MATN2: variants seen among roughly 807,000 people sequenced by gnomAD.
MATN2 encodes the protein matrilin 2.
A neutral mutation model predicts 103.2 loss-of-function variants in MATN2; 69 were observed. The observed-to-expected ratio is 0.67, with a 90% confidence interval of 0.55 to 0.82. MATN2 has a LOEUF of 0.82. Ranked by LOEUF, MATN2 falls within the 40% of genes least tolerant of loss-of-function variation. MATN2 has a pLI of 0.00. For missense variants in MATN2, 1,023 were observed against 1,211.5 expected, an observed-to-expected ratio of 0.84 and a Z score of 2.31; for synonymous variants, 429 against 450.2, an observed-to-expected ratio of 0.95 and a Z score of 0.60.
In MATN2 at chr8:98,021,220, A is replaced by C. The variant is rs549406889; in HGVS notation, c.1835A>C (p.Lys612Thr). The C allele has an allele frequency of 6.2e-7, 1 of 1,613,574 alleles. No individual in the cohort carries two copies. Among genetic ancestry groups the C allele is most frequent in the African/African-American group, 1.3e-5 (1 of 75,042 alleles). Residue 612 changes from lysine (K) to threonine (T), a missense_variant, in exon 13 of 19, where the codon AAA (lysine) becomes ACA (threonine). Transcript: ENST00000254898. Reference sequence around the variant, plus strand: ...TTTTCCTCAGGGAAGGATGTCTGCAAATCAACCCACCATGGCTGCGAACAC... The same window carrying C: ...TTTTCCTCAGGGAAGGATGTCTGCACATCAACCCACCATGGCTGCGAACAC... ...GKRCRRKDVC[K>T]STHHGCEHIC...
intron 1 of MATN2, among the ~76,000 whole-genome samples, chr8:97,879,058 A>T (rs1157318179): frequency 3.3e-5 from 5 of 152,228 alleles, no homozygotes. Context: ...AAAAAAATTT[A>T]TTCACACAAT....
chr8:97,933,747 C>A (rs1263746205), intron 3 of MATN2, among the ~76,000 whole-genome samples: 1 of 152,192 alleles, frequency 6.6e-6, no homozygotes, highest in African/African-American at 2.4e-5. Context: ...TGAGTCCCCC[C>A]ATCCACTCTG....
chr8:97,943,610 A>G (rs1490637508), intron 4 of MATN2, among the ~76,000 whole-genome samples: 1 of 152,074 alleles, frequency 6.6e-6, no homozygotes, highest in Admixed American at 6.6e-5. Flanking sequence ...AGTATCAGGG[A>G]CCACAGCTGC....
chr8:97,963,122 G>A (rs1260254151), intron 5 of MATN2, among the ~76,000 whole-genome samples: 5 of 152,196 alleles, frequency 3.3e-5, no homozygotes, highest in East Asian at 1.9e-4. Flanking sequence ...GTGACAGAGC[G>A]AGACTCATCT....
chr8:97,893,468 T>TA (rs1202749369), intron 2 of MATN2, among the ~76,000 whole-genome samples: 2 of 152,278 alleles, frequency 1.3e-5, no homozygotes, highest in Admixed American at 1.3e-4. Flanking sequence ...CCCACTTTCC[T>TA]ATGAGGAGGT....
At chr8:97,945,542 A>G (rs572818169) in intron 4 of MATN2, among the ~76,000 whole-genome samples, 1 of 151,848 alleles carries the variant, frequency 6.6e-6, no homozygotes, top group African/African-American at 2.4e-5. Flanking sequence ...TCCTCAGCCC[A>G]CTAATCCAGG....
intron 2 of MATN2, among the ~76,000 whole-genome samples, chr8:97,924,738 T>C (rs1163656835): frequency 2.2e-5 from 3 of 136,078 alleles, no homozygotes; most frequent in Non-Finnish European, 4.8e-5. Flanking sequence ...TTTTTTTTTT[T>C]CAGCACTTGG....
Position 98,035,986 on chromosome 8 carries a change from C to A in MATN2, c.*274C>A. ...GGTATTTTGTAATATACTGTGGACA[C>A]AACTTGCTTCTGCCTCATCCTGCCT... On this transcript the variant is annotated 3_prime_UTR_variant, in exon 19 of 19. Coordinates refer to ENST00000254898, the MANE Select transcript of MATN2 (RefSeq NM_002380.5). 3.4e-6 allele frequency: 1 copy of A among 297,490 alleles called. No individual in the cohort carries two copies. The highest frequency in any genetic ancestry group is 6.1e-6 in the Non-Finnish European group (1 of 162,736). The allele number at this position is 297,490 out of a possible 1,614,324, so 18.4% of individuals were successfully genotyped here. A position where few individuals can be genotyped will look rare whatever the true frequency, so the allele number is the denominator to read the frequency against.
At chr8:97,930,882 C>T in intron 2 of MATN2, 71 bp from the exon 3 acceptor site, 1 of 1,056,722 alleles carries the variant, frequency 9.5e-7, no homozygotes, top group South Asian at 1.6e-5. Flanking sequence ...TTCCAAAGTG[C>T]TGGGATTACA....
At chr8:97,928,999 T>G (rs1369486244) in intron 2 of MATN2, among the ~76,000 whole-genome samples, 1 of 152,202 alleles carries the variant, frequency 6.6e-6, no homozygotes, top group Non-Finnish European at 1.5e-5. Context: ...AGGTTTCATA[T>G]AGATCTTATC....
intron 2 of MATN2, among the ~76,000 whole-genome samples, chr8:97,905,280 G>A (rs1014941825): frequency 6.6e-6 from 1 of 152,050 alleles, no homozygotes; most frequent in African/African-American, 2.4e-5. Context: ...GTACATGTTT[G>A]ATGGTATTGA....
intron 2 of MATN2, among the ~76,000 whole-genome samples, chr8:97,908,708 T>C (rs1819262664): frequency 6.6e-6 from 1 of 152,204 alleles, no homozygotes; most frequent in Non-Finnish European, 1.5e-5. Flanking sequence ...CTCGGCTCAC[T>C]GCAACCTCCG....
intron 4 of MATN2, among the ~76,000 whole-genome samples, chr8:97,948,270 G>C (rs1051955008): frequency 6.6e-6 from 1 of 152,164 alleles, no homozygotes; most frequent in African/African-American, 2.4e-5. Flanking sequence ...TTGCCACTCT[G>C]TGTATGTCCA....
At chr8:97,898,451 G>T (rs1422576886) in intron 2 of MATN2, among the ~76,000 whole-genome samples, 1 of 152,044 alleles carries the variant, frequency 6.6e-6, no homozygotes, top group Non-Finnish European at 1.5e-5. Context: ...CAAAAAATTA[G>T]CCAGGTGTGG....
chr8:97,920,979 C>G (rs1443057027), intron 2 of MATN2, among the ~76,000 whole-genome samples: 4 of 152,152 alleles, frequency 2.6e-5, no homozygotes, highest in African/African-American at 9.7e-5. Flanking sequence ...GCCATCCTGG[C>G]TCCATATTTT....
intron 2 of MATN2, among the ~76,000 whole-genome samples, chr8:97,896,677 G>A (rs1239348885): frequency 6.6e-6 from 1 of 151,444 alleles, no homozygotes; most frequent in Non-Finnish European, 1.5e-5. Context: ...AGCAGGGCTG[G>A]GCAGTGGGAT....
At chr8:97,964,167 G>A (rs1315554248) in intron 5 of MATN2, among the ~76,000 whole-genome samples, 1 of 152,106 alleles carries the variant, frequency 6.6e-6, no homozygotes, top group African/African-American at 2.4e-5. Flanking sequence ...CCTGGGAGCT[G>A]GTAGGTCAGA....
rs1179663074 is a variant in MATN2, at chr8:98,035,955, A to G, written c.*243A>G. On this transcript the variant is annotated 3_prime_UTR_variant, in exon 19 of 19. Coordinates refer to ENST00000254898, the MANE Select transcript of MATN2 (RefSeq NM_002380.5). ...TTTACCAGGTGAGAATGAATAAGCT[A>G]TGCAAGGTATTTTGTAATATACTGT... 1.1e-5 allele frequency: 4 copies of G among 364,038 alleles called. No homozygotes were observed. The highest frequency in any genetic ancestry group is 2.1e-4 in the South Asian group (2 of 9,380). 22.6% of individuals were successfully genotyped at this position (364,038 alleles called of 1,614,324 possible).
rs188312252 is a variant in MATN2, at chr8:98,010,185, C to T, written c.1573+2584C>T. Among the ~76,000 whole-genome samples the T allele has an allele frequency of 4.6e-5, 7 of 152,268 alleles. No homozygotes were observed. In the East Asian group the frequency reaches 1.4e-3, roughly 29 times the overall value. Reference sequence around the variant, plus strand: ...GCAAGTCCCCCATTCTCTGAACAGGCCTGGTGCCTTCCAGCCCATCCCAAT... The same window carrying T: ...GCAAGTCCCCCATTCTCTGAACAGGTCTGGTGCCTTCCAGCCCATCCCAAT... On this transcript the variant is annotated intron_variant, in intron 10 of 18. Coordinates refer to ENST00000254898, the MANE Select transcript of MATN2 (RefSeq NM_002380.5).
Sources: allele counts gnomAD v4.1 joint callset (sites outside exome capture counted in the v4.1 genomes callset), GRCh38; gene constraint gnomAD v4.1.1; transcripts MANE v1.5; gene names NCBI Gene and HGNC (gene_info 2026-07-23, HGNC 2026-07-21).